The following SEMA3D variants were observed in gnomAD, a reference collection of about 807,000 sequenced individuals.
SEMA3D encodes semaphorin 3D.
Under a neutral mutation model 100.1 loss-of-function variants are expected in SEMA3D, and 84 were observed. That is an observed-to-expected ratio of 0.84 (90% CI 0.70 to 1.01). The LOEUF (loss-of-function observed/expected upper bound fraction) is 1.01, where lower values mean the gene tolerates loss of function less well. Among genes scored for constraint, SEMA3D ranks in the 50% least tolerant of loss-of-function variants. The pLI is 0.00. For synonymous variants in SEMA3D, 312 were observed against 320.7 expected (o/e 0.97, Z 0.29); for missense variants, 875 against 934.1 (o/e 0.94, Z 0.82).
chr7:85,075,714 T>C (rs1234818668), intron 5 of SEMA3D, among the ~76,000 whole-genome samples: 2 of 152,234 alleles, frequency 1.3e-5, no homozygotes, highest in African/African-American at 4.8e-5. Context: ...GATAGTTCTC[T>C]AAGCAGCCTA....
intron 5 of SEMA3D, among the ~76,000 whole-genome samples, chr7:85,079,821 C>G (rs1039780179): frequency 6.6e-6 from 1 of 152,122 alleles, no homozygotes; most frequent in Non-Finnish European, 1.5e-5. Context: ...CTTATACTGT[C>G]CATTAAATGA....
the SEMA3D span, among the ~76,000 whole-genome samples, chr7:85,223,236 A>G: frequency 6.6e-6 from 1 of 152,174 alleles, no homozygotes; most frequent in Non-Finnish European, 1.5e-5. Flanking sequence ...TGTGGAAAAC[A>G]GTATGGAGAT....
intron 11 of SEMA3D, among the ~76,000 whole-genome samples, chr7:85,037,273 A>G (rs976782592): frequency 1.3e-5 from 2 of 152,178 alleles, no homozygotes; most frequent in Non-Finnish European, 2.9e-5. Context: ...ATGCATGGGT[A>G]CCCAGTATAG....
chr7:85,141,770 C>T (rs577483023), intron 2 of SEMA3D: 9 of 810,340 alleles, frequency 1.1e-5, no homozygotes, highest in South Asian at 5.6e-5. Context: ...AAGGTTTTTG[C>T]CAAGTCTCAT....
intron 1 of SEMA3D, among the ~76,000 whole-genome samples, chr7:85,156,347 C>G (rs1426408236): frequency 1.3e-5 from 2 of 151,748 alleles, no homozygotes; most frequent in Non-Finnish European, 2.9e-5. Flanking sequence ...ATGATCCACC[C>G]CTTCGGCCTT....
intron 1 of SEMA3D, chr7:85,167,504 A>G (rs909859872): frequency 2.5e-6 from 1 of 403,988 alleles, no homozygotes; most frequent in Non-Finnish European, 3.3e-6. Flanking sequence ...GACTTTGCCC[A>G]TAAAATTATC....
At chr7:85,191,413 C>A (rs1159323283), upstream of SEMA3D, among the ~76,000 whole-genome samples, 1 of 152,048 alleles carries the variant, frequency 6.6e-6, no homozygotes, top group Non-Finnish European at 1.5e-5. Flanking sequence ...TTTAAGTTTT[C>A]TTTTTAAAAA....
At chr7:85,194,265 T>C in the SEMA3D span, among the ~76,000 whole-genome samples, 2 of 152,076 alleles carry the variant, frequency 1.3e-5, no homozygotes, top group Non-Finnish European at 2.9e-5. Context: ...TGAGAGGAGA[T>C]AGCATTGCTT....
At chr7:85,202,931 T>C in the SEMA3D span, among the ~76,000 whole-genome samples, 1 of 152,136 alleles carries the variant, frequency 6.6e-6, no homozygotes, top group African/African-American at 2.4e-5. Context: ...AACTTCTGGA[T>C]GATATTCTTG....
chr7:85,179,860 A>C (rs1255156640), intron 1 of SEMA3D, among the ~76,000 whole-genome samples: 1 of 151,996 alleles, frequency 6.6e-6, no homozygotes, highest in Non-Finnish European at 1.5e-5. Flanking sequence ...ATGGGGTTTC[A>C]CCGTGTTAGC....
Position 85,178,861 on chromosome 7 carries a change from C to T in SEMA3D, c.-173+7817G>A, listed in dbSNP as rs552702091. On this transcript the variant is annotated intron_variant, in intron 1 of 18. Transcript: ENST00000284136. ...GTTTCATGGGCTGGATCCAGGGCCT[C>T]CCTGCTGTGTGCAGCCTTGGACTTG... Among the ~76,000 whole-genome samples the T allele has an allele frequency of 5.3e-5, 8 of 152,274 alleles. No individual in the cohort carries two copies. The South Asian group carries it at 1.7e-3, about 32-fold the overall frequency.
At chr7:85,195,310 G>A in the SEMA3D span, among the ~76,000 whole-genome samples, 1 of 152,222 alleles carries the variant, frequency 6.6e-6, no homozygotes, top group East Asian at 1.9e-4. Flanking sequence ...CCTCACAGTT[G>A]TACCCCATAA....
At position 85,073,163 on chromosome 7, in the gene SEMA3D, TA is replaced by T. The variant is rs1323024657; in HGVS notation, c.376-83del. 3.3e-6 allele frequency: 4 copies of T among 1,217,316 alleles called. No homozygotes were observed. The African/African-American group carries it at 6.1e-5, about 19-fold the overall frequency. The allele number at this position is 1,217,316 out of a possible 1,614,324, so 75.4% of individuals were successfully genotyped here. A position where few individuals can be genotyped will look rare whatever the true frequency, so the allele number is the denominator to read the frequency against. ...TCATTTATGCCACCTGTTTTCCAAG[TA>T]GATCAATCTTCAAAAATAAGAGCAC... On this transcript the variant is annotated intron_variant, in intron 5 of 18. Coordinates refer to ENST00000284136, the MANE Select transcript of SEMA3D (RefSeq NM_001384900.1).
At chr7:85,091,950 C>T (rs893481450) in intron 4 of SEMA3D, among the ~76,000 whole-genome samples, 1 of 152,020 alleles carries the variant, frequency 6.6e-6, no homozygotes, top group Admixed American at 6.6e-5. Flanking sequence ...TATGAGAAAT[C>T]TACATACAAT....
intron 2 of SEMA3D, chr7:85,141,121 T>C (rs1394746060): frequency 1.0e-6 from 1 of 983,718 alleles, no homozygotes; most frequent in African/African-American, 1.7e-5. Context: ...AAACTGTTTT[T>C]ATAGGTGATT....
the SEMA3D span, among the ~76,000 whole-genome samples, chr7:85,232,841 G>A: frequency 6.6e-6 from 1 of 152,160 alleles, no homozygotes; most frequent in South Asian, 2.1e-4. Flanking sequence ...AATATCTGCT[G>A]TGCTATGTGT....
chr7:85,008,217 T>C (rs556722708), intron 17 of SEMA3D, among the ~76,000 whole-genome samples: 1 of 151,730 alleles, frequency 6.6e-6, no homozygotes. Context: ...TAGGGGACGA[T>C]GTAGGTTGAT....
chr7:85,024,948 A>G (rs1170695577), intron 12 of SEMA3D, among the ~76,000 whole-genome samples: 1 of 152,040 alleles, frequency 6.6e-6, no homozygotes, highest in African/African-American at 2.4e-5. Context: ...AAAATTTCGT[A>G]AAAGAAAAGA....
At chr7:85,244,153 G>A in the SEMA3D span, among the ~76,000 whole-genome samples, 5 of 151,870 alleles carry the variant, frequency 3.3e-5, no homozygotes, top group Non-Finnish European at 5.9e-5. Context: ...CTTAGCTTCT[G>A]ATGAGGAGCT....
Sources: gnomAD v4.1 joint callset for allele counts (sites outside exome capture counted in the v4.1 genomes callset) on GRCh38, gnomAD v4.1.1 for gene constraint, MANE v1.5 for transcripts, NCBI Gene and HGNC (gene_info 2026-07-23, HGNC 2026-07-21) for gene names.